The following ENOX1 variants were observed in gnomAD, a reference collection of about 807,000 sequenced individuals.
The protein encoded by ENOX1 is ecto-NOX disulfide-thiol exchanger 1.
ENOX1 carries 42 observed loss-of-function variants against 82.5 expected under a neutral mutation model. The observed-to-expected ratio is 0.51, with a 90% CI of 0.40 to 0.66. The LOEUF (loss-of-function observed/expected upper bound fraction) is 0.66. Among genes scored for constraint, ENOX1 ranks in the 30% least tolerant of loss-of-function variants. The pLI, the probability that ENOX1 is intolerant of heterozygous loss-of-function variation, is 0.00. For missense variants in ENOX1, 608 were observed against 811.6 expected (o/e 0.75, Z 3.05); for synonymous variants, 271 against 282.2 (o/e 0.96, Z 0.40).
Position 43,503,239 on chromosome 13 carries a change from T to C in ENOX1, c.-218-19087A>G, listed in dbSNP as rs528126653. On this transcript the variant is annotated intron_variant, in intron 2 of 16. Transcript: ENST00000690772. The stretch of plus-strand genomic sequence containing the variant: ...CACACACAAATAAATAAAAATCCCA[T>C]GTTCATGGAAAGACTTGAGATATCA... 2.0e-5 allele frequency among the ~76,000 whole-genome samples: 3 copies of C among 151,818 alleles called. No individual in the cohort carries two copies. The South Asian group carries it at 6.2e-4, about 31-fold the overall frequency.
intron 11 of ENOX1, among the ~76,000 whole-genome samples, chr13:43,303,819 A>G (rs893596604): frequency 1.3e-5 from 2 of 152,040 alleles, no homozygotes; most frequent in Non-Finnish European, 2.9e-5. Flanking sequence ...TTTCCAGTTC[A>G]GTTTGTCTGG....
rs116738033 is a variant in ENOX1 at position 43,765,675 on chromosome 13, C to G, written c.-285+20977G>C. Among the ~76,000 whole-genome samples the G allele has an allele frequency of 9.2e-5, 14 of 152,206 alleles. No homozygotes were observed. In the East Asian group the frequency reaches 2.5e-3, roughly 27 times the overall value. On this transcript the variant is annotated intron_variant, in intron 1 of 16. Coordinates refer to ENST00000690772, the MANE Select transcript of ENOX1 (RefSeq NM_001347969.2). ...TTAGGAAGCACTCAGTAAACACTTACGAAATAAACAATGAATCAATGAAGG... is the reference window on the plus strand; with the variant it reads ...TTAGGAAGCACTCAGTAAACACTTAGGAAATAAACAATGAATCAATGAAGG...
rs114114552 is a variant in ENOX1 at position 43,234,353 on chromosome 13, T to G, written c.1714+2283A>C. On this transcript the variant is annotated intron_variant, in intron 15 of 16. Transcript: ENST00000690772. ...ATCACATCTGTTGCCAAACTGTCAT[T>G]AAGAATAATAAAATAAAATATTGAG... 1.4e-3 allele frequency among the ~76,000 whole-genome samples: 217 copies of G among 152,244 alleles called. 1 individual carries two copies. Among genetic ancestry groups the G allele is most frequent in the African/African-American group, 5.1e-3 (211 of 41,524 alleles).
chr13:43,739,275 T>TCA (rs2089782475), intron 1 of ENOX1, among the ~76,000 whole-genome samples: 2 of 152,062 alleles, frequency 1.3e-5, no homozygotes, highest in Admixed American at 6.6e-5. Flanking sequence ...TTGGTGGGTG[T>TCA]GGTGGCTCAC....
intron 1 of ENOX1, among the ~76,000 whole-genome samples, chr13:43,682,387 T>C (rs2085835158): frequency 6.6e-6 from 1 of 152,160 alleles, no homozygotes; most frequent in Non-Finnish European, 1.5e-5. Flanking sequence ...TAAATAGGTG[T>C]TTACTTTTAG....
chr13:43,575,963 CAACT>C (rs2080404282), intron 2 of ENOX1, among the ~76,000 whole-genome samples: 1 of 152,156 alleles, frequency 6.6e-6, no homozygotes. Context: ...AACTAAAAAA[CAACT>C]AAAAGAATGT....
At chr13:43,634,130 A>G (rs1320933322) in intron 2 of ENOX1, among the ~76,000 whole-genome samples, 1 of 151,364 alleles carries the variant, frequency 6.6e-6, no homozygotes, top group African/African-American at 2.4e-5. Context: ...TGCTGGCAAA[A>G]CCCCTTGGGT....
chr13:43,287,637 T>C (rs925787932), intron 12 of ENOX1, among the ~76,000 whole-genome samples: 3 of 152,198 alleles, frequency 2.0e-5, no homozygotes, highest in African/African-American at 7.2e-5. Flanking sequence ...ATCTTCTTCC[T>C]CATCTTATGA....
chr13:43,260,100 T>C (rs1385889407), intron 14 of ENOX1, among the ~76,000 whole-genome samples: 1 of 152,218 alleles, frequency 6.6e-6, no homozygotes, highest in Non-Finnish European at 1.5e-5. Context: ...TTCCCTCACA[T>C]ACATCATTAA....
chr13:43,501,644 C>T (rs2076984296), intron 2 of ENOX1, among the ~76,000 whole-genome samples: 1 of 150,718 alleles, frequency 6.6e-6, no homozygotes. Flanking sequence ...AAACACACTC[C>T]TAAACAACTA....
At chr13:43,468,634 G>GAA (rs60827645) in intron 3 of ENOX1, among the ~76,000 whole-genome samples, 4 of 127,522 alleles carry the variant, frequency 3.1e-5, no homozygotes, top group African/African-American at 2.9e-5. Flanking sequence ...CCACAAAAAA[G>GAA]AAAAAAAAAA....
chr13:43,409,610 GA>G lies in ENOX1; in HGVS notation c.208+2305del, dbSNP rs1346778038. Among the ~76,000 whole-genome samples the G allele has an allele frequency of 4.6e-5, 7 of 152,236 alleles. No homozygotes were observed. In the East Asian group the frequency reaches 1.3e-3, roughly 29 times the overall value. On this transcript the variant is annotated intron_variant, in intron 5 of 16. Coordinates refer to ENST00000690772, the MANE Select transcript of ENOX1 (RefSeq NM_001347969.2). Reference sequence around the variant, plus strand: ...GCTCAGGGAGACTAAGTTCTTTAAAGAAACTTGGCTAGTAACAGTGAAAAAA... The same window carrying G: ...GCTCAGGGAGACTAAGTTCTTTAAAGAACTTGGCTAGTAACAGTGAAAAAA...
chr13:43,248,417 G>C (rs539417265), intron 14 of ENOX1, among the ~76,000 whole-genome samples: 2 of 151,350 alleles, frequency 1.3e-5, no homozygotes, highest in East Asian at 1.9e-4. Flanking sequence ...ACAGCCTTTT[G>C]GTCCCTAAAT....
At chr13:43,710,897 G>C (rs894032189) in intron 1 of ENOX1, among the ~76,000 whole-genome samples, 2 of 151,672 alleles carry the variant, frequency 1.3e-5, no homozygotes, top group African/African-American at 4.8e-5. Context: ...GGCTATCTAG[G>C]ATTAAGAAAG....
chr13:43,571,444 C>T (rs2013043), intron 2 of ENOX1, among the ~76,000 whole-genome samples: 147,437 of 151,722 alleles, frequency 0.97, 71,770 homozygotes, highest in Non-Finnish European at 1. Flanking sequence ...TTTGGGAGGC[C>T]GAGGTGGGTG....
chr13:43,304,674 T>C (rs1315267558), intron 11 of ENOX1, among the ~76,000 whole-genome samples: 1 of 152,190 alleles, frequency 6.6e-6, no homozygotes, highest in Non-Finnish European at 1.5e-5. Context: ...ATGGAGAAGT[T>C]AAACTCACTC....
chr13:43,380,990 T>C (rs1206265907), intron 5 of ENOX1, among the ~76,000 whole-genome samples: 1 of 151,840 alleles, frequency 6.6e-6, no homozygotes, highest in African/African-American at 2.4e-5. Context: ...CTCTTAATAA[T>C]TGCTAGAACA....
intron 5 of ENOX1, among the ~76,000 whole-genome samples, chr13:43,400,886 A>G (rs1215017266): frequency 6.6e-6 from 1 of 152,214 alleles, no homozygotes; most frequent in Non-Finnish European, 1.5e-5. Context: ...ACTTTGCTTT[A>G]ATCATTTGCC....
At chr13:43,718,868 C>T (rs957036377) in intron 1 of ENOX1, among the ~76,000 whole-genome samples, 12 of 151,976 alleles carry the variant, frequency 7.9e-5, no homozygotes, top group African/African-American at 2.9e-4. Flanking sequence ...AGGTTTTACA[C>T]ATTTATAGTT....
Sources: allele counts gnomAD v4.1 joint callset (sites outside exome capture counted in the v4.1 genomes callset), GRCh38; gene constraint gnomAD v4.1.1; transcripts MANE v1.5; gene names NCBI Gene and HGNC (gene_info 2026-07-23, HGNC 2026-07-21).